SDK1: variants seen among roughly 807,000 people sequenced by gnomAD.
SDK1 encodes sidekick cell adhesion molecule 1.
In SDK1, 157 loss-of-function variants were observed where a neutral mutation model predicts 245.5. The ratio of observed to expected loss-of-function variants is 0.64; its 90% CI spans 0.56 to 0.73. The LOEUF (loss-of-function observed/expected upper bound fraction) is 0.73, where lower values mean the gene tolerates loss of function less well. Among genes scored for constraint, SDK1 ranks in the 30% least tolerant of loss-of-function variants. The pLI, the probability that SDK1 is intolerant of heterozygous loss-of-function variation, is 0.00. For missense variants in SDK1, 3,583 were observed against 3,002.3 expected, an observed-to-expected ratio of 1.19 and a Z score of -4.52; for synonymous variants, 1,647 against 1,278.5, an observed-to-expected ratio of 1.29 and a Z score of -6.15.
chr7:3,523,979 G>C (rs1310689193), intron 1 of SDK1, among the ~76,000 whole-genome samples: 2 of 152,162 alleles, frequency 1.3e-5, no homozygotes, highest in Non-Finnish European at 2.9e-5. Context: ...CTTGATCCTG[G>C]CCTGTGATTC....
intron 7 of SDK1, among the ~76,000 whole-genome samples, chr7:3,955,765 T>G (rs1424846655): frequency 2.0e-5 from 3 of 152,130 alleles, no homozygotes; most frequent in Admixed American, 6.5e-5. Context: ...TGCATGGTGT[T>G]GTTGGGGGGT....
chr7:3,451,117 G>A (rs1365738320), intron 1 of SDK1, among the ~76,000 whole-genome samples: 1 of 152,092 alleles, frequency 6.6e-6, no homozygotes, highest in Non-Finnish European at 1.5e-5. Flanking sequence ...GGATGATACA[G>A]TAGCTGGGAG....
At position 3,451,293 on chromosome 7, in the gene SDK1, C is replaced by T. The variant is rs1780506426; in HGVS notation, c.298+149409C>T. 3.3e-5 allele frequency among the ~76,000 whole-genome samples: 5 copies of T among 151,584 alleles called. No homozygotes were observed. The South Asian group carries it at 8.3e-4, about 25-fold the overall frequency. On this transcript the variant is annotated intron_variant, in intron 1 of 44. Transcript: ENST00000404826. ...TTCCAGGAAAAATAGGGACCGCTTT[C>T]CCACTGAGTCTGGAGAGAGGAAGGA...
At chr7:3,640,579 A>G (rs1782616645) in intron 3 of SDK1, among the ~76,000 whole-genome samples, 1 of 152,148 alleles carries the variant, frequency 6.6e-6, no homozygotes, top group African/African-American at 2.4e-5. Flanking sequence ...ACGAATACCT[A>G]AATTATATTT....
intron 1 of SDK1, among the ~76,000 whole-genome samples, chr7:3,540,291 C>T (rs1779016969): frequency 6.6e-6 from 1 of 152,212 alleles, no homozygotes; most frequent in South Asian, 2.1e-4. Context: ...CCTGTAATCT[C>T]AGCTATTCGG....
intron 1 of SDK1, among the ~76,000 whole-genome samples, chr7:3,313,008 T>A (rs1779586075): frequency 6.6e-6 from 1 of 152,190 alleles, no homozygotes; most frequent in Non-Finnish European, 1.5e-5. Context: ...CTGGCAGGCA[T>A]TTTGTTCATA....
At chr7:4,136,172 A>C (rs756700087) in intron 28 of SDK1, among the ~76,000 whole-genome samples, 1 of 152,172 alleles carries the variant, frequency 6.6e-6, no homozygotes, top group Non-Finnish European at 1.5e-5. Context: ...GAGGCAGACA[A>C]CGTCACTGCC....
At chr7:3,688,097 A>G (rs372423739) in intron 4 of SDK1, among the ~76,000 whole-genome samples, 199 of 152,352 alleles carry the variant, frequency 1.3e-3, no homozygotes, top group African/African-American at 4.3e-3. Context: ...AGCTGAGACA[A>G]TCAGTGCTCA....
At chr7:3,983,954 G>A (rs966281195) in intron 13 of SDK1, among the ~76,000 whole-genome samples, 13 of 152,256 alleles carry the variant, frequency 8.5e-5, no homozygotes, top group Admixed American at 2.6e-4. Flanking sequence ...ACTGCCAGGC[G>A]GGTAGCTCTT....
chr7:4,196,709 T>C (rs7792227), intron 35 of SDK1, among the ~76,000 whole-genome samples: 12,327 of 152,256 alleles, frequency 0.081, 1,600 homozygotes, highest in African/African-American at 0.27. Flanking sequence ...AATTGCCTGC[T>C]GACCTGCCCG....
chr7:3,977,403 G>A (rs1167277614), intron 13 of SDK1, among the ~76,000 whole-genome samples: 1 of 108,404 alleles, frequency 9.2e-6, no homozygotes, highest in Admixed American at 8.7e-5. Flanking sequence ...ATCACTGGGG[G>A]TCCCGGGGCT....
intron 1 of SDK1, among the ~76,000 whole-genome samples, chr7:3,447,136 A>G (rs1454714787): frequency 6.6e-6 from 1 of 152,178 alleles, no homozygotes; most frequent in African/African-American, 2.4e-5. Flanking sequence ...TCTCTAAGAG[A>G]TTTATAATTC....
At chr7:3,653,097 G>A (rs1157505477) in intron 4 of SDK1, among the ~76,000 whole-genome samples, 1 of 152,214 alleles carries the variant, frequency 6.6e-6, no homozygotes, top group Non-Finnish European at 1.5e-5. Flanking sequence ...AAAAGTCGCA[G>A]GCTTAAACTT....
intron 1 of SDK1, among the ~76,000 whole-genome samples, chr7:3,560,821 A>G (rs894171679): frequency 2.0e-5 from 3 of 151,822 alleles, no homozygotes; most frequent in Non-Finnish European, 4.4e-5. Flanking sequence ...TGTTCCTCCA[A>G]CCTGCCCGAG....
At chr7:4,173,108 C>T (rs1288200263) in intron 32 of SDK1, among the ~76,000 whole-genome samples, 1 of 152,240 alleles carries the variant, frequency 6.6e-6, no homozygotes, top group East Asian at 1.9e-4. Context: ...GGGTGCCTCA[C>T]AGTGAGCCCG....
At chr7:3,346,289 G>A (rs943997656) in intron 1 of SDK1, among the ~76,000 whole-genome samples, 4 of 152,052 alleles carry the variant, frequency 2.6e-5, no homozygotes, top group African/African-American at 7.2e-5. Flanking sequence ...CGGTGGGTGG[G>A]GACCTTTCCC....
intron 35 of SDK1, among the ~76,000 whole-genome samples, chr7:4,191,722 G>C (rs532058264): frequency 6.6e-6 from 1 of 152,258 alleles, no homozygotes; most frequent in Non-Finnish European, 1.5e-5. Flanking sequence ...CAAGGGTTAG[G>C]GTCTCCTGTG....
At chr7:4,102,856 C>G (rs1261671543) in intron 22 of SDK1, among the ~76,000 whole-genome samples, 1 of 151,776 alleles carries the variant, frequency 6.6e-6, no homozygotes, top group African/African-American at 2.4e-5. Flanking sequence ...CCTAATGGGC[C>G]TGAAGGACCG....
chr7:3,565,309 GGTT>G (rs1386575679), intron 1 of SDK1, among the ~76,000 whole-genome samples: 1 of 152,058 alleles, frequency 6.6e-6, no homozygotes, highest in African/African-American at 2.4e-5. Context: ...TGGGAAATAT[GGTT>G]GTTATCTGTC....
Sources: allele counts gnomAD v4.1 joint callset (sites outside exome capture counted in the v4.1 genomes callset), GRCh38; gene constraint gnomAD v4.1.1; transcripts MANE v1.5; gene names NCBI Gene and HGNC (gene_info 2026-07-23, HGNC 2026-07-21).